Variants in CHORDC1 observed in about 807,000 individuals in gnomAD.
CHORDC1 encodes the protein cysteine and histidine rich domain containing 1, also known as cysteine and histidine-rich domain-containing protein 1.
In CHORDC1, 25 loss-of-function variants were observed where a neutral mutation model predicts 48.3. The observed-to-expected ratio is 0.52, with a 90% CI of 0.38 to 0.72. The LOEUF (loss-of-function observed/expected upper bound fraction) is 0.72, where lower values mean the gene tolerates loss of function less well. Ranked by LOEUF, CHORDC1 falls within the 30% of genes least tolerant of loss-of-function variation. The pLI is 0.00. For synonymous variants in CHORDC1, 128 were observed against 126.4 expected (o/e 1.01, Z -0.09); for missense variants, 317 against 388.7 (o/e 0.82, Z 1.55).
chr11:90,203,493 A>G, intron 8 of CHORDC1, 66 bp from the exon 9 acceptor site: 1 of 1,442,396 alleles, frequency 6.9e-7, no homozygotes, highest in East Asian at 2.3e-5. Context: ...AAAAAGAGGA[A>G]TTTGACCCAT....
chr11:90,211,320 T>A lies in CHORDC1; in HGVS notation c.330-2A>T. ...AAATTTGTCATTGGTTCATCTGGGC[T>A]GGAGAATTTTGAAACCTTATTACCA... On this transcript the variant is annotated splice_acceptor_variant, in intron 4 of 10. Coordinates refer to ENST00000320585, the MANE Select transcript of CHORDC1 (RefSeq NM_012124.3). LOFTEE classifies it high-confidence loss of function. 6.3e-7 allele frequency: 1 copy of A among 1,576,100 alleles called. No homozygotes were observed. Among genetic ancestry groups the A allele is most frequent in the Non-Finnish European group, 8.7e-7 (1 of 1,146,764 alleles).
chr11:90,223,032 A>G lies in CHORDC1; in HGVS notation c.-78T>C. 1.6e-6 allele frequency: 2 copies of G among 1,288,728 alleles called. No homozygotes were observed. Among genetic ancestry groups the G allele is most frequent in the East Asian group, 2.4e-5 (1 of 42,482 alleles). The allele number at this position is 1,288,728 out of a possible 1,614,324, so 79.8% of individuals were successfully genotyped here. ...ATGCGTTTGCCACTCCCGTGTCGCTAGCACCGGTCTGACGACTGAGGCGGC... is the reference window on the plus strand; with the variant it reads ...ATGCGTTTGCCACTCCCGTGTCGCTGGCACCGGTCTGACGACTGAGGCGGC... On this transcript the variant is annotated 5_prime_UTR_variant, in exon 1 of 11. Coordinates refer to ENST00000320585, the MANE Select transcript of CHORDC1 (RefSeq NM_012124.3).
At chr11:90,205,617 A>C in intron 7 of CHORDC1, 52 bp from the exon 8 acceptor site, 2 of 1,110,592 alleles carry the variant, frequency 1.8e-6, no homozygotes, top group Non-Finnish European at 1.3e-6. Flanking sequence ...AACCAATTAA[A>C]TCCACAAGTA....
intron 5 of CHORDC1, chr11:90,210,970 A>C (rs1209084181): frequency 2.6e-5 from 8 of 309,440 alleles, no homozygotes; most frequent in Non-Finnish European, 4.0e-5. Context: ...TCTTAAAAAA[A>C]TAATGAACCA....
intron 1 of CHORDC1, among the ~76,000 whole-genome samples, chr11:90,220,539 C>G (rs1858140567): frequency 6.6e-6 from 1 of 152,070 alleles, no homozygotes; most frequent in African/African-American, 2.4e-5. Context: ...ATAACAGAGT[C>G]AGAGGCATAA....
chr11:90,223,005 G>A lies in CHORDC1; in HGVS notation c.-51C>T, dbSNP rs752236996. The A allele has an allele frequency of 6.6e-7, 1 of 1,512,748 alleles. No individual in the cohort carries two copies. Among genetic ancestry groups the A allele is most frequent in the South Asian group, 1.1e-5 (1 of 88,574 alleles). The allele number at this position is 1,512,748 out of a possible 1,614,324, so 93.7% of individuals were successfully genotyped here. ...GGCCCAAACACCGGGAACGGCAAGAGGATGCGTTTGCCACTCCCGTGTCGC... is the reference window on the plus strand; with the variant it reads ...GGCCCAAACACCGGGAACGGCAAGAAGATGCGTTTGCCACTCCCGTGTCGC... On this transcript the variant is annotated 5_prime_UTR_variant, in exon 1 of 11. Transcript: ENST00000320585.
rs1857574933 is a variant in CHORDC1, at chr11:90,202,794, A to G, written c.852+19T>C. The G allele has an allele frequency of 6.3e-7, 1 of 1,576,466 alleles. No homozygotes were observed. The highest frequency in any genetic ancestry group is 2.2e-5 in the East Asian group (1 of 44,486). On this transcript the variant is annotated intron_variant, in intron 10 of 10. Coordinates refer to ENST00000320585, the MANE Select transcript of CHORDC1 (RefSeq NM_012124.3). ...CTAAGTTATCAGAAAAAAAATTCTT[A>G]TAAATTTGTAATACTTACACCCCAT...
chr11:90,218,805 G>A (rs2135056235), intron 1 of CHORDC1, among the ~76,000 whole-genome samples: 1 of 152,324 alleles, frequency 6.6e-6, no homozygotes, highest in South Asian at 2.1e-4. Context: ...GAACTGAGGA[G>A]TGCCTCTGCC....
intron 10 of CHORDC1, 103 bp from the exon 11 acceptor site, chr11:90,202,654 T>TAAAG: frequency 7.0e-7 from 1 of 1,422,916 alleles, no homozygotes; most frequent in East Asian, 2.3e-5. Flanking sequence ...TCCAAGCTTC[T>TAAAG]AAAGGCCTCT....
At chr11:90,213,471 T>G in intron 4 of CHORDC1, 1 of 671,596 alleles carries the variant, frequency 1.5e-6, no homozygotes, top group South Asian at 1.6e-5. Context: ...CAGAGTCTGG[T>G]TATCAGAAGG....
At position 90,201,730 on chromosome 11, in the gene CHORDC1, G is replaced by A. The variant is rs1156804110; in HGVS notation, c.*675C>T. The A allele has an allele frequency of 6.6e-6, 1 of 152,296 alleles. No homozygotes were observed. Among genetic ancestry groups the A allele is most frequent in the East Asian group, 1.9e-4 (1 of 5,188 alleles). 9.4% of individuals were successfully genotyped at this position (152,296 alleles called of 1,614,324 possible). On this transcript the variant is annotated 3_prime_UTR_variant, in exon 11 of 11. Transcript: ENST00000320585. ...GATTATTGCTTAGTCTTATAAAATG[G>A]TGAATTTTAACCAAATTGATACCTC...
Position 90,214,047 on chromosome 11 carries a change from A to T in CHORDC1, c.300T>A (p.Pro100=), listed in dbSNP as rs151155768. The T allele has an allele frequency of 1.4e-5, 23 of 1,613,018 alleles. No homozygotes were observed. In the African/African-American group the frequency reaches 2.1e-4, roughly 15 times the overall value. The change falls in exon 4 of 11, where the codon CCT becomes CCA. Residue 100 remains proline (P), a synonymous_variant. Coordinates refer to ENST00000320585, the MANE Select transcript of CHORDC1 (RefSeq NM_012124.3). ...GTCTTTTTATTGCTTCTACTGGCTTAGGGGCTTGAATGATGTGTTCCTGAA... is the reference window on the plus strand; with the variant it reads ...GTCTTTTTATTGCTTCTACTGGCTTTGGGGCTTGAATGATGTGTTCCTGAA... ...PKFQEHIIQA[P]KPVEAIKRPS...
intron 1 of CHORDC1, among the ~76,000 whole-genome samples, chr11:90,219,680 A>G (rs1245793294): frequency 6.6e-6 from 1 of 152,186 alleles, no homozygotes; most frequent in Non-Finnish European, 1.5e-5. Context: ...TCCCGTAAGG[A>G]ATACTTTTAG....
intron 7 of CHORDC1, 60 bp downstream of exon 7, chr11:90,206,142 G>A (rs1161790748): frequency 2.0e-6 from 2 of 1,024,574 alleles, no homozygotes; most frequent in Non-Finnish European, 3.1e-6. Flanking sequence ...TTTAAAGACA[G>A]AAAGGTTTAA....
chr11:90,208,053 G>T (rs1857750681), intron 6 of CHORDC1: 1 of 145,480 alleles, frequency 6.9e-6, no homozygotes, highest in African/African-American at 2.5e-5. Flanking sequence ...TAAGTATAAT[G>T]CACATATGCC....
chr11:90,210,684 AAT>A lies in CHORDC1; in HGVS notation c.434-92_434-91del, dbSNP rs1482101397. 5 of 792,592 alleles carry A rather than the reference AAT, an allele frequency of 6.3e-6. No individual in the cohort carries two copies. The African/African-American group carries it at 8.8e-5, about 14-fold the overall frequency. The allele number at this position is 792,592 out of a possible 1,614,324, so 49.1% of individuals were successfully genotyped here. ...TAAAAACTAGGTTTTTCCAGAAAAC[AAT>A]ACTTTTTAGAAAACGACTGTGACTA... On this transcript the variant is annotated intron_variant, in intron 5 of 10. Transcript: ENST00000320585.
At chr11:90,204,613 A>C (rs1857623366) in intron 8 of CHORDC1, among the ~76,000 whole-genome samples, 1 of 151,790 alleles carries the variant, frequency 6.6e-6, no homozygotes, top group Non-Finnish European at 1.5e-5. Context: ...CCCAGCTACT[A>C]GGGAGGCTGA....
rs1857590567 is a variant in CHORDC1 at position 90,203,424 on chromosome 11, T to TC, written c.672dup (p.Lys225GlufsTer7). On this transcript the variant is annotated frameshift_variant, in exon 9 of 11. Transcript: ENST00000320585. LOFTEE classifies it high-confidence loss of function. ...TCATGTCTACATGGAACAACTTTTTTCCCCTGTAATGTAAGAGAAACTCTG... is the reference window on the plus strand; with the variant it reads ...TCATGTCTACATGGAACAACTTTTTTCCCCCTGTAATGTAAGAGAAACTCTG... 1 of 1,547,884 alleles carries TC rather than the reference T, an allele frequency of 6.5e-7. No individual in the cohort carries two copies. The highest frequency in any genetic ancestry group is 1.3e-5 in the African/African-American group (1 of 74,350).
chr11:90,221,591 A>G (rs983390511), intron 1 of CHORDC1, among the ~76,000 whole-genome samples: 4 of 152,244 alleles, frequency 2.6e-5, no homozygotes, highest in African/African-American at 9.6e-5. Flanking sequence ...ATCTGCAGAC[A>G]TAAGTGCAAT....
Sources: allele counts gnomAD v4.1 joint callset (sites outside exome capture counted in the v4.1 genomes callset), GRCh38; gene constraint gnomAD v4.1.1; transcripts MANE v1.5; gene names NCBI Gene and HGNC (gene_info 2026-07-23, HGNC 2026-07-21).